DYNC1I1: variants seen among roughly 807,000 people sequenced by gnomAD.
DYNC1I1 encodes cytoplasmic dynein 1 intermediate chain 1.
In DYNC1I1, 43 loss-of-function variants were observed where a neutral mutation model predicts 86.6. That is an observed-to-expected ratio of 0.50 (90% confidence interval 0.39 to 0.64). The LOEUF (loss-of-function observed/expected upper bound fraction) is 0.64. Among genes scored for constraint, DYNC1I1 ranks in the 30% least tolerant of loss-of-function variants. The pLI, the probability that DYNC1I1 is intolerant of heterozygous loss-of-function variation, is 0.00. For synonymous variants in DYNC1I1, 262 were observed against 283.7 expected (o/e 0.92, Z 0.77); for missense variants, 604 against 788.8 (o/e 0.77, Z 2.81).
chr7:95,853,417 A>G (rs1397777244), intron 5 of DYNC1I1, among the ~76,000 whole-genome samples: 9 of 152,182 alleles, frequency 5.9e-5, no homozygotes, highest in Non-Finnish European at 8.8e-5. Context: ...AGCTCTTGCC[A>G]TATTTGGTCC....
intron 16 of DYNC1I1, among the ~76,000 whole-genome samples, chr7:96,107,049 C>CAG (rs1791225986): frequency 6.9e-6 from 1 of 144,818 alleles, no homozygotes; most frequent in Admixed American, 6.9e-5. Flanking sequence ...TTTTTTTTGA[C>CAG]AGCGTCTCAC....
intron 8 of DYNC1I1, among the ~76,000 whole-genome samples, chr7:95,986,840 G>A (rs576312622): frequency 6.6e-6 from 1 of 151,982 alleles, no homozygotes; most frequent in Admixed American, 6.5e-5. Flanking sequence ...TAACAGTCTT[G>A]GAACGACATG....
chr7:96,001,872 T>C (rs913879717), intron 10 of DYNC1I1, among the ~76,000 whole-genome samples: 5 of 152,184 alleles, frequency 3.3e-5, no homozygotes, highest in Non-Finnish European at 4.4e-5. Flanking sequence ...GGAAGTACAA[T>C]TCAGTCCATA....
intron 6 of DYNC1I1, among the ~76,000 whole-genome samples, chr7:95,958,392 A>G (rs543932931): frequency 6.6e-6 from 1 of 152,156 alleles, no homozygotes; most frequent in Non-Finnish European, 1.5e-5. Context: ...AGAGTTCAAG[A>G]CCAGCCTGGG....
At chr7:95,989,830 G>T (rs1020566169) in intron 9 of DYNC1I1, among the ~76,000 whole-genome samples, 5 of 152,192 alleles carry the variant, frequency 3.3e-5, no homozygotes, top group African/African-American at 1.2e-4. Flanking sequence ...AAGAAAAAGA[G>T]ATTAGAACCC....
chr7:95,941,849 A>C (rs1171032744), intron 6 of DYNC1I1, among the ~76,000 whole-genome samples: 1 of 152,060 alleles, frequency 6.6e-6, no homozygotes, highest in African/African-American at 2.4e-5. Flanking sequence ...AGTGAGATGA[A>C]CCCGGTACCT....
At chr7:95,884,936 A>T (rs138880091) in intron 6 of DYNC1I1, among the ~76,000 whole-genome samples, 245 of 152,334 alleles carry the variant, frequency 1.6e-3, no homozygotes, top group African/African-American at 5.8e-3. Context: ...ATATAAAAAA[A>T]ATTCATGTAA....
At chr7:95,814,623 C>G (rs1794906818) in intron 4 of DYNC1I1, among the ~76,000 whole-genome samples, 1 of 152,114 alleles carries the variant, frequency 6.6e-6, no homozygotes, top group Non-Finnish European at 1.5e-5. Context: ...AAGATCTGGA[C>G]ATGAAGATAA....
intron 16 of DYNC1I1, among the ~76,000 whole-genome samples, chr7:96,103,837 C>T (rs1235754337): frequency 6.6e-6 from 1 of 152,184 alleles, no homozygotes; most frequent in Non-Finnish European, 1.5e-5. Context: ...TGGTCTGGAT[C>T]TCCTGACCTC....
intron 16 of DYNC1I1, among the ~76,000 whole-genome samples, chr7:96,087,966 ATTAAC>A (rs1245354334): frequency 3.9e-5 from 6 of 152,332 alleles, no homozygotes; most frequent in Non-Finnish European, 7.4e-5. Flanking sequence ...TAATTTTGGT[ATTAAC>A]TTTATTTCTT....
intron 14 of DYNC1I1, among the ~76,000 whole-genome samples, chr7:96,065,357 C>CTTTTCTTT (rs1007409061): frequency 2.0e-5 from 3 of 147,654 alleles, no homozygotes; most frequent in African/African-American, 7.6e-5. Flanking sequence ...CCTCCCCACT[C>CTTTTCTTT]TTTTCTTTTT....
At chr7:95,918,733 G>A (rs1246040967) in intron 6 of DYNC1I1, among the ~76,000 whole-genome samples, 1 of 152,170 alleles carries the variant, frequency 6.6e-6, no homozygotes, top group Non-Finnish European at 1.5e-5. Context: ...AATTTATAGA[G>A]AGCTGAGTTT....
rs1790155510 is a variant in DYNC1I1 at position 95,871,219 on chromosome 7, G to A, written c.490+1221G>A. ...TGTGGGGACAGTTCTTCAGTAGCAG[G>A]GCCTCCATTTCTCAAGCCCCAGTGA... On this transcript the variant is annotated intron_variant, in intron 6 of 16. Coordinates refer to ENST00000447467, the MANE Select transcript of DYNC1I1 (RefSeq NM_001135556.2). 2.6e-5 allele frequency among the ~76,000 whole-genome samples: 4 copies of A among 152,036 alleles called. 1 individual carries two copies. The South Asian group carries it at 8.3e-4, about 32-fold the overall frequency.
intron 9 of DYNC1I1, among the ~76,000 whole-genome samples, chr7:95,995,249 A>AAAT (rs1793834350): frequency 3.5e-5 from 5 of 143,130 alleles, no homozygotes; most frequent in South Asian, 2.3e-4. Flanking sequence ...TCCATCTCAA[A>AAAT]AAATAAATAA....
At chr7:95,892,382 C>T (rs1790764992) in intron 6 of DYNC1I1, among the ~76,000 whole-genome samples, 1 of 152,150 alleles carries the variant, frequency 6.6e-6, no homozygotes, top group Admixed American at 6.5e-5. Context: ...GTGATCTCGG[C>T]TCACTGCAAG....
At chr7:96,077,877 A>C (rs1024965710) in intron 15 of DYNC1I1, among the ~76,000 whole-genome samples, 1 of 152,174 alleles carries the variant, frequency 6.6e-6, no homozygotes, top group African/African-American at 2.4e-5. Context: ...CTTTCTCTAG[A>C]TATCAAGAGA....
intron 14 of DYNC1I1, among the ~76,000 whole-genome samples, chr7:96,065,536 C>T (rs1221279185): frequency 6.6e-6 from 1 of 152,074 alleles, no homozygotes; most frequent in Admixed American, 6.5e-5. Context: ...CATCACCATG[C>T]CTGGCTAAAT....
intron 6 of DYNC1I1, among the ~76,000 whole-genome samples, chr7:95,918,343 GTGT>G (rs1324950718): frequency 1.3e-5 from 2 of 152,156 alleles, no homozygotes; most frequent in Non-Finnish European, 2.9e-5. Flanking sequence ...TTTTTTGTTG[GTGT>G]TGTTGTTCCT....
chr7:95,982,825 C>T (rs887785844), intron 7 of DYNC1I1, among the ~76,000 whole-genome samples: 4 of 152,044 alleles, frequency 2.6e-5, no homozygotes, highest in Admixed American at 1.3e-4. Context: ...AGGGTTTGTT[C>T]CCCTTTTGCC....
Sources: allele counts gnomAD v4.1 joint callset (sites outside exome capture counted in the v4.1 genomes callset), GRCh38; gene constraint gnomAD v4.1.1; transcripts MANE v1.5; gene names NCBI Gene and HGNC (gene_info 2026-07-23, HGNC 2026-07-21).